The following LAMP1 variants were observed in gnomAD, a reference collection of about 807,000 sequenced individuals.
LAMP1 encodes the protein lysosome associated membrane protein 1.
In LAMP1, 7 loss-of-function variants were observed where a neutral mutation model predicts 37.5. The ratio of observed to expected loss-of-function variants is 0.19; its 90% CI spans 0.11 to 0.35. The LOEUF (loss-of-function observed/expected upper bound fraction) is 0.35. Ranked by LOEUF, LAMP1 falls within the 10% of genes least tolerant of loss-of-function variation. LAMP1 has a pLI of 1.00. For missense variants in LAMP1, 537 were observed against 552.8 expected (o/e 0.97, Z 0.29); for synonymous variants, 236 against 229.1 (o/e 1.03, Z -0.27).
At position 113,323,175 on chromosome 13, in the gene LAMP1, C is replaced by G. The variant is rs111453566; in HGVS notation, c.*754C>G. On this transcript the variant is annotated 3_prime_UTR_variant, in exon 9 of 9. Transcript: ENST00000332556. ...GGCCTCGTTCCAGTGGCGGCACGTC[C>G]TTGGGCGTCTCTAATGTCTGCAGCT... 6.6e-6 allele frequency: 1 copy of G among 152,198 alleles called. No individual in the cohort carries two copies. The highest frequency in any genetic ancestry group is 2.4e-5 in the African/African-American group (1 of 41,436). 9.4% of individuals were successfully genotyped at this position (152,198 alleles called of 1,614,324 possible). A position where few individuals can be genotyped will look rare whatever the true frequency, so the allele number is the denominator to read the frequency against.
chr13:113,321,281 A>T lies in LAMP1; in HGVS notation c.877-123A>T, dbSNP rs1032129985. 7 of 810,668 alleles carry T rather than the reference A, an allele frequency of 8.6e-6. No homozygotes were observed. Among genetic ancestry groups the T allele is most frequent in the Non-Finnish European group, 1.5e-5 (7 of 464,622 alleles). 50.2% of individuals were successfully genotyped at this position (810,668 alleles called of 1,614,324 possible). A position where few individuals can be genotyped will look rare whatever the true frequency, so the allele number is the denominator to read the frequency against. Reference sequence around the variant, plus strand: ...AGTTTTGTTCTAATACTAGAAATGTAGGAAGTCAGGTTTATTACCCAATGA... The same window carrying T: ...AGTTTTGTTCTAATACTAGAAATGTTGGAAGTCAGGTTTATTACCCAATGA... On this transcript the variant is annotated intron_variant, in intron 6 of 8. Coordinates refer to ENST00000332556, the MANE Select transcript of LAMP1 (RefSeq NM_005561.4). The surrounding 1 kb of genome is among the most constrained non-coding windows in gnomAD (Gnocchi z 5.6).
Position 113,320,808 on chromosome 13 carries a change from A to G in LAMP1, c.876+338A>G, listed in dbSNP as rs949484282. The G allele has an allele frequency of 2.8e-5, 9 of 322,052 alleles. No homozygotes were observed. The highest frequency in any genetic ancestry group is 1.2e-4 in the African/African-American group (6 of 48,018). 19.9% of individuals were successfully genotyped at this position (322,052 alleles called of 1,614,324 possible). A position where few individuals can be genotyped will look rare whatever the true frequency, so the allele number is the denominator to read the frequency against. On this transcript the variant is annotated intron_variant, in intron 6 of 8. Coordinates refer to ENST00000332556, the MANE Select transcript of LAMP1 (RefSeq NM_005561.4). The surrounding 1 kb of genome is among the most constrained non-coding windows in gnomAD (Gnocchi z 4.4). ...TGGGAGGACTCCTGTGCAGTTAGCA[A>G]CATAAGACATGAAGCATATAATTGT...
chr13:113,306,347 CCGTCT>C, intron 1 of LAMP1, 133 bp from the exon 2 acceptor site: 1 of 870,280 alleles, frequency 1.1e-6, no homozygotes, highest in Non-Finnish European at 1.6e-6. Flanking sequence ...CAGTGAGACT[CCGTCT>C]CAAAAAAAAA....
chr13:113,307,900 A>G (rs1432861532), intron 2 of LAMP1, among the ~76,000 whole-genome samples: 1 of 142,662 alleles, frequency 7.0e-6, no homozygotes, highest in Non-Finnish European at 1.5e-5. Flanking sequence ...TCGAGGCTGC[A>G]GTGAGCTATG....
rs1409744977 is a variant in LAMP1 at position 113,321,959 on chromosome 13, T to G, written c.1114+232T>G. ...ACCATTTGAGAGTAAGGGAATCATT[T>G]TAAGAAACAGTGGTGGCGCTTCTCC... On this transcript the variant is annotated intron_variant, in intron 8 of 8. Coordinates refer to ENST00000332556, the MANE Select transcript of LAMP1 (RefSeq NM_005561.4). This position sits in a 1 kb window ranked among gnomAD's most constrained non-coding sequence, Gnocchi z 5.6. 2 of 593,876 alleles carry G rather than the reference T, an allele frequency of 3.4e-6. No individual in the cohort carries two copies. Among genetic ancestry groups the G allele is most frequent in the East Asian group, 5.6e-5 (2 of 35,424 alleles). 36.8% of individuals were successfully genotyped at this position (593,876 alleles called of 1,614,324 possible).
intron 4 of LAMP1, among the ~76,000 whole-genome samples, chr13:113,314,031 A>G (rs1473334282): frequency 0.014 from 303 of 21,826 alleles, no homozygotes; most frequent in Admixed American, 0.027. Context: ...GTGGCCTCCT[A>G]GAGGGAGTCA....
intron 4 of LAMP1, among the ~76,000 whole-genome samples, chr13:113,313,422 T>G (rs879881890): frequency 6.6e-6 from 1 of 152,248 alleles, no homozygotes; most frequent in Non-Finnish European, 1.5e-5. Flanking sequence ...TGGACGTTGG[T>G]TCCTTTTTTA....
At chr13:113,315,133 TGG>T (rs2139370600) in intron 4 of LAMP1, among the ~76,000 whole-genome samples, 1 of 126,868 alleles carries the variant, frequency 7.9e-6, no homozygotes, top group Admixed American at 7.9e-5. Context: ...CGTGGCCTCC[TGG>T]AGGGAGTCAG....
In LAMP1 at chr13:113,309,875, A is replaced by G. The variant is rs546816786; in HGVS notation, c.403+13A>G. ...GCGAGCTCCAAAGGTAAGAACCAAAATGGGCCGATTATGAAGTGATAGAAA... is the reference window on the plus strand; with the variant it reads ...GCGAGCTCCAAAGGTAAGAACCAAAGTGGGCCGATTATGAAGTGATAGAAA... On this transcript the variant is annotated intron_variant, in intron 3 of 8. Transcript: ENST00000332556. The G allele has an allele frequency of 3.4e-5, 54 of 1,598,614 alleles. 1 individual carries two copies. In the Middle Eastern group the frequency reaches 1.3e-3, roughly 38 times the overall value.
intron 4 of LAMP1, among the ~76,000 whole-genome samples, chr13:113,313,043 G>A (rs996265392): frequency 6.6e-6 from 1 of 152,190 alleles, no homozygotes; most frequent in Non-Finnish European, 1.5e-5. Context: ...AGAGAGAATT[G>A]GATGCTGACC....
At chr13:113,315,539 A>G (rs1337384257) in intron 4 of LAMP1, among the ~76,000 whole-genome samples, 4 of 151,006 alleles carry the variant, frequency 2.6e-5, no homozygotes, top group Admixed American at 6.6e-5. Context: ...ACAGGTGCAC[A>G]TCACCACGTC....
chr13:113,310,686 GA>G, intron 3 of LAMP1, 22 bp from the exon 4 acceptor site: 1 of 1,403,840 alleles, frequency 7.1e-7, no homozygotes, highest in Non-Finnish European at 9.7e-7. Flanking sequence ...TTGCAATTGT[GA>G]TTTTTTTTTT....
Position 113,322,615 on chromosome 13 carries a change from G to T in LAMP1, c.*194G>T, listed in dbSNP as rs1216014514. Reference sequence around the variant, plus strand: ...ATGACGGTGTTAATTTTGCTAACTGGGTTAAATATTTTGCTAACTGGTTAA... The same window carrying T: ...ATGACGGTGTTAATTTTGCTAACTGTGTTAAATATTTTGCTAACTGGTTAA... On this transcript the variant is annotated 3_prime_UTR_variant, in exon 9 of 9. Transcript: ENST00000332556. The T allele has an allele frequency of 1.4e-5, 6 of 425,514 alleles. No homozygotes were observed. The highest frequency in any genetic ancestry group is 2.0e-5 in the Non-Finnish European group (5 of 247,720). 26.4% of individuals were successfully genotyped at this position (425,514 alleles called of 1,614,324 possible).
At position 113,297,507 on chromosome 13, in the gene LAMP1, G is replaced by A; in HGVS notation, c.61+12G>A. The A allele has an allele frequency of 8.1e-7, 1 of 1,241,550 alleles. No individual in the cohort carries two copies. Among genetic ancestry groups the A allele is most frequent in the South Asian group, 3.4e-5 (1 of 29,158 alleles). 76.9% of individuals were successfully genotyped at this position (1,241,550 alleles called of 1,614,324 possible). On this transcript the variant is annotated intron_variant, in intron 1 of 8. Coordinates refer to ENST00000332556, the MANE Select transcript of LAMP1 (RefSeq NM_005561.4). The surrounding 1 kb of genome is among the most constrained non-coding windows in gnomAD (Gnocchi z 4.4). ...GTTGCTGCTGCTCGGTGAGGGGGTC[G>A]AGGCGGGGCCTGGGAGCGGCGGGAC...
intron 2 of LAMP1, among the ~76,000 whole-genome samples, chr13:113,308,719 C>T (rs1169329625): frequency 1.3e-5 from 2 of 152,166 alleles, no homozygotes; most frequent in African/African-American, 2.4e-5. Flanking sequence ...TTATGTTTCA[C>T]AAGTGAGGTC....
intron 1 of LAMP1, 118 bp from the exon 2 acceptor site, chr13:113,306,367 G>C: frequency 4.7e-6 from 4 of 856,098 alleles, no homozygotes; most frequent in Non-Finnish European, 6.7e-6. Context: ...AAAAAAAAAA[G>C]AGAAACAGTG....
intron 2 of LAMP1, among the ~76,000 whole-genome samples, chr13:113,306,867 TCTCG>T (rs2042602230): frequency 2.5e-5 from 2 of 79,222 alleles, no homozygotes; most frequent in South Asian, 9.7e-4. Context: ...TGAGACGGAG[TCTCG>T]CTCTGTCACC....
intron 4 of LAMP1, among the ~76,000 whole-genome samples, chr13:113,312,887 G>C (rs925610874): frequency 6.6e-6 from 1 of 152,220 alleles, no homozygotes; most frequent in African/African-American, 2.4e-5. Flanking sequence ...GGGAGTTAGC[G>C]TAACACATGG....
At chr13:113,319,677 G>A (rs200017606) in intron 5 of LAMP1, 21 bp downstream of exon 5, 15 of 1,600,930 alleles carry the variant, frequency 9.4e-6, no homozygotes, top group Non-Finnish European at 1.3e-5. Context: ...GGCCTCACCT[G>A]GGAGAGGGGG....
Sources: allele counts gnomAD v4.1 joint callset (sites outside exome capture counted in the v4.1 genomes callset), GRCh38; gene constraint gnomAD v4.1.1; non-coding constraint Gnocchi (gnomAD v3.1); transcripts MANE v1.5; gene names NCBI Gene and HGNC (gene_info 2026-07-23, HGNC 2026-07-21).